Variants in MROH2A observed in about 807,000 individuals in gnomAD.
The protein encoded by MROH2A is maestro heat like repeat family member 2A.
A neutral mutation model predicts 200.4 loss-of-function variants in MROH2A; 174 were observed. The observed-to-expected ratio is 0.87, with a 90% CI of 0.77 to 0.98. The LOEUF is 0.98. MROH2A is among the 50% of genes least tolerant of loss of function. MROH2A has a pLI of 0.00. For synonymous variants in MROH2A, 829 were observed against 840.4 expected, an observed-to-expected ratio of 0.99 and a Z score of 0.23; for missense variants, 2,045 against 2,139.6, an observed-to-expected ratio of 0.96 and a Z score of 0.87.
intron 27 of MROH2A, among the ~76,000 whole-genome samples, chr2:233,817,114 G>A (rs554605224): frequency 1.3e-5 from 2 of 152,204 alleles, no homozygotes; most frequent in Non-Finnish European, 2.9e-5. Flanking sequence ...TTCTGTAGCG[G>A]TGAGAGCCCT....
At chr2:233,809,944 C>T (rs1401188297) in intron 22 of MROH2A, among the ~76,000 whole-genome samples, 1 of 152,160 alleles carries the variant, frequency 6.6e-6, no homozygotes, top group Non-Finnish European at 1.5e-5. Context: ...CACCTTTACT[C>T]TTCCTGTCTG....
At chr2:233,821,330 T>C (rs1382213706) in intron 31 of MROH2A, among the ~76,000 whole-genome samples, 7 of 152,154 alleles carry the variant, frequency 4.6e-5, no homozygotes, top group Non-Finnish European at 1.0e-4. Flanking sequence ...CCATGGCTTC[T>C]TTACAGAGGG....
chr2:233,829,886 T>G, intron 38 of MROH2A, 111 bp downstream of exon 38: 1 of 1,058,316 alleles, frequency 9.4e-7, no homozygotes, highest in South Asian at 3.9e-5. Context: ...CTGCCTCAGT[T>G]GGTTTTCTCT....
upstream of MROH2A, among the ~76,000 whole-genome samples, chr2:233,777,212 A>G (rs986280381): frequency 2.6e-5 from 4 of 152,166 alleles, no homozygotes; most frequent in Non-Finnish European, 2.9e-5. Flanking sequence ...TAAATGTATC[A>G]CTTTTCATGT....
chr2:233,793,759 G>A lies in MROH2A; in HGVS notation c.757G>A (p.Ala253Thr). ...CCCCGTGATGACTGAGGAGGAGTTT[G>A]CCCTGAAGGTGTTCCCCATGTATCG... ...VYPVMTEEEF[A>T]LKVFPMYRYF... is the part of the protein sequence containing the mutation. Residue 253 changes from alanine (A) to threonine (T), a missense_variant, in exon 7 of 42, where the codon GCC (alanine) becomes ACC (threonine). Transcript: ENST00000389758. 1 of 1,497,138 alleles carries A rather than the reference G, an allele frequency of 6.7e-7. No individual in the cohort carries two copies. The highest frequency in any genetic ancestry group is 8.9e-7 in the Non-Finnish European group (1 of 1,120,734). 92.7% of individuals were successfully genotyped at this position (1,497,138 alleles called of 1,614,324 possible).
chr2:233,822,092 A>G, intron 31 of MROH2A, 32 bp from the exon 32 acceptor site: 1 of 1,533,640 alleles, frequency 6.5e-7, no homozygotes, highest in Non-Finnish European at 8.8e-7. Flanking sequence ...ATGCCAGGAA[A>G]CTCACAGTCC....
intron 3 of MROH2A, among the ~76,000 whole-genome samples, chr2:233,786,548 G>T (rs1212560328): frequency 6.6e-6 from 1 of 152,132 alleles, no homozygotes; most frequent in Non-Finnish European, 1.5e-5. Flanking sequence ...TGGGGGTTAG[G>T]GCTTCAACAT....
chr2:233,819,795 A>G (rs1703811409), intron 30 of MROH2A, 107 bp from the exon 31 acceptor site: 1 of 1,277,248 alleles, frequency 7.8e-7, no homozygotes, highest in Admixed American at 3.0e-5. Context: ...TAACCTCCCC[A>G]TTGTCCAACT....
intron 31 of MROH2A, among the ~76,000 whole-genome samples, chr2:233,821,761 T>C (rs901128783): frequency 6.6e-6 from 1 of 151,204 alleles, no homozygotes; most frequent in South Asian, 2.1e-4. Context: ...TGATATAATA[T>C]CAGAAAGCTA....
rs143960838 is a variant in MROH2A at position 233,784,220 on chromosome 2, G to A, written c.276+4368G>A. ...TATACTGCTTTTGCTGTATCCAATA[G>A]ATTTTTGTATGTTATATTTCTATTT... is the stretch of plus-strand genomic sequence containing the variant. On this transcript the variant is annotated intron_variant, in intron 3 of 41. Coordinates refer to ENST00000389758, the MANE Select transcript of MROH2A (RefSeq NM_001394639.1). Among the ~76,000 whole-genome samples, 483 of 151,990 alleles carry A rather than the reference G, an allele frequency of 3.2e-3. 4 individuals are homozygous for A. Among genetic ancestry groups the A allele is most frequent in the African/African-American group, 0.011 (458 of 41,434 alleles).
intron 11 of MROH2A, among the ~76,000 whole-genome samples, chr2:233,796,655 C>A (rs150329302): frequency 6.6e-6 from 1 of 152,184 alleles, no homozygotes. Flanking sequence ...ATAGTCTACA[C>A]ATCTGATTCC....
chr2:233,785,467 C>CA (rs34259208), intron 3 of MROH2A, among the ~76,000 whole-genome samples: 67,965 of 110,484 alleles, frequency 0.62, 19,367 homozygotes, highest in East Asian at 0.69. Flanking sequence ...GACTTTGTCT[C>CA]AAAAAAAAAA....
Position 233,819,381 on chromosome 2 carries a change from C to A in MROH2A, c.3269C>A (p.Thr1090Asn). The change falls in exon 30 of 42, where the codon ACT becomes AAT. Residue 1090 changes from threonine to asparagine, a missense_variant. Around this residue, in one of 3 missense-constraint regions of MROH2A, gnomAD observed 1,201 missense variants for 1,311.3 expected, o/e 0.92. Transcript: ENST00000389758. ...VSLIQKLCEN[T>N]GAMNLQHDKA... is the part of the protein sequence containing the mutation. The stretch of plus-strand genomic sequence containing the variant: ...CTCATCCAGAAGCTCTGCGAGAACA[C>A]TGGGGCCATGAACCTGCAGCATGAC... 1.3e-6 allele frequency: 2 copies of A among 1,550,594 alleles called. No individual in the cohort carries two copies. Among genetic ancestry groups the A allele is most frequent in the Non-Finnish European group, 1.7e-6 (2 of 1,146,964 alleles).
At chr2:233,804,010 G>T (rs1220717736) in intron 16 of MROH2A, 41 bp from the exon 17 acceptor site, 4 of 1,543,366 alleles carry the variant, frequency 2.6e-6, no homozygotes, top group Non-Finnish European at 3.5e-6. Flanking sequence ...AAGGAGCAAG[G>T]TGCTCAGGTG....
Position 233,808,977 on chromosome 2 carries a change from G to T in MROH2A, c.2296-149G>T. The stretch of plus-strand genomic sequence containing the variant: ...TGAATGAATGCATGCATGAAAATAC[G>T]ATGAACATTTCAGGCACCCAGAAAA... On this transcript the variant is annotated intron_variant, in intron 21 of 41. Transcript: ENST00000389758. 6 of 799,164 alleles carry T rather than the reference G, an allele frequency of 7.5e-6. No individual in the cohort carries two copies. In the South Asian group the frequency reaches 1.1e-4, roughly 15 times the overall value. The allele number at this position is 799,164 out of a possible 1,614,324, so 49.5% of individuals were successfully genotyped here. A position where few individuals can be genotyped will look rare whatever the true frequency, so the allele number is the denominator to read the frequency against.
chr2:233,795,862 G>A (rs1702071864), intron 9 of MROH2A, 105 bp from the exon 10 acceptor site: 1 of 1,536,852 alleles, frequency 6.5e-7, no homozygotes, highest in Non-Finnish European at 8.8e-7. Context: ...TCCTGATGGG[G>A]TATGAGGCTG....
At chr2:233,776,072 T>C (rs909653763), upstream of MROH2A, among the ~76,000 whole-genome samples, 1 of 152,188 alleles carries the variant, frequency 6.6e-6, no homozygotes, top group African/African-American at 2.4e-5. Context: ...CTCTTTTTCT[T>C]TATAAATTAC....
At chr2:233,803,614 A>T (rs1321759825) in intron 16 of MROH2A, 126 bp downstream of exon 16, 2 of 994,402 alleles carry the variant, frequency 2.0e-6, no homozygotes, top group African/African-American at 3.2e-5. Flanking sequence ...AGGGAGTTTG[A>T]TGCTTGGCAG....
Position 233,793,708 on chromosome 2 carries a change from C to G in MROH2A, c.706C>G (p.Leu236Val), listed in dbSNP as rs1701931788. Residue 236 changes from leucine to valine, a missense_variant, in exon 7 of 42, where the codon CTG becomes GTG. By Grantham distance (32) the Leu-to-Val change is conservative (BLOSUM62 1). Coordinates refer to ENST00000389758, the MANE Select transcript of MROH2A (RefSeq NM_001394639.1). ...ETFCETVQFY[L>V]KHLEESVYPV... ...CTTCTGTGAGACGGTGCAGTTTTATCTGAAGCACCTGGAGGAGAGCGTGTA... is the reference window on the plus strand; with the variant it reads ...CTTCTGTGAGACGGTGCAGTTTTATGTGAAGCACCTGGAGGAGAGCGTGTA... 6.8e-7 allele frequency: 1 copy of G among 1,466,552 alleles called. No individual in the cohort carries two copies. The highest frequency in any genetic ancestry group is 9.0e-7 in the Non-Finnish European group (1 of 1,105,446). 90.8% of individuals were successfully genotyped at this position (1,466,552 alleles called of 1,614,324 possible). A position where few individuals can be genotyped will look rare whatever the true frequency, so the allele number is the denominator to read the frequency against.
Sources: allele counts gnomAD v4.1 joint callset (sites outside exome capture counted in the v4.1 genomes callset), GRCh38; gene constraint gnomAD v4.1.1; regional missense constraint gnomAD v4.1.1; transcripts MANE v1.5; gene names NCBI Gene and HGNC (gene_info 2026-07-23, HGNC 2026-07-21).